Variants in BNC2 observed in about 807,000 individuals in gnomAD.
BNC2 encodes the protein zinc finger protein basonuclin-2.
Under a neutral mutation model 76.3 loss-of-function variants are expected in BNC2, and 20 were observed. The ratio of observed to expected loss-of-function variants is 0.26; its 90% CI spans 0.18 to 0.38. The LOEUF (loss-of-function observed/expected upper bound fraction) is 0.38. BNC2 is among the 10% of genes least tolerant of loss of function. The probability of loss-of-function intolerance (pLI) is 1.00; values close to 1 mark genes in which losing one functional copy is unlikely to be tolerated. For synonymous variants in BNC2, 582 were observed against 514.8 expected, an observed-to-expected ratio of 1.13 and a Z score of -1.77; for missense variants, 1,382 against 1,399.8, an observed-to-expected ratio of 0.99 and a Z score of 0.20.
chr9:16,516,362 C>T lies in BNC2; in HGVS notation c.669+36168G>A, dbSNP rs12347244. On this transcript the variant is annotated intron_variant, in intron 5 of 6. Transcript: ENST00000380672. Reference sequence around the variant, plus strand: ...ATGCTAAGATTCCCCAATGATTATGCGGAAACTTAAAAAAAAAAAAACTAA... The same window carrying T: ...ATGCTAAGATTCCCCAATGATTATGTGGAAACTTAAAAAAAAAAAAACTAA... Among the ~76,000 whole-genome samples the T allele has an allele frequency of 8.5e-3, 1,275 of 150,376 alleles. 16 individuals are homozygous for T. Among genetic ancestry groups the T allele is most frequent in the African/African-American group, 0.029 (1,180 of 40,866 alleles).
chr9:16,812,345 A>G (rs1383971767), intron 1 of BNC2, among the ~76,000 whole-genome samples: 1 of 152,232 alleles, frequency 6.6e-6, no homozygotes, highest in Non-Finnish European at 1.5e-5. Context: ...TGCCTATGTT[A>G]AAACACTTGG....
At chr9:16,557,016 C>CA (rs34890523) in intron 4 of BNC2, among the ~76,000 whole-genome samples, 12,990 of 152,122 alleles carry the variant, frequency 0.085, 721 homozygotes, top group Non-Finnish European at 0.13. Context: ...ATGATCTTCA[C>CA]ATATCTGACT....
intron 3 of BNC2, among the ~76,000 whole-genome samples, chr9:16,683,120 A>G (rs941846407): frequency 2.0e-5 from 3 of 152,224 alleles, no homozygotes; most frequent in African/African-American, 7.2e-5. Flanking sequence ...TCCTTGCAAA[A>G]GTCAAATCAG....
At chr9:16,679,929 G>A (rs1329030534) in intron 3 of BNC2, among the ~76,000 whole-genome samples, 1 of 152,232 alleles carries the variant, frequency 6.6e-6, no homozygotes, top group Non-Finnish European at 1.5e-5. Flanking sequence ...CTCAGGGAAA[G>A]TCAGAACAAT....
chr9:16,755,378 G>A (rs1825351606), intron 1 of BNC2, among the ~76,000 whole-genome samples: 1 of 152,100 alleles, frequency 6.6e-6, no homozygotes, highest in Non-Finnish European at 1.5e-5. Context: ...AACAGAAAAG[G>A]GCAGGAGTCT....
chr9:16,489,962 AAT>A (rs1822240422), intron 5 of BNC2, among the ~76,000 whole-genome samples: 1 of 152,198 alleles, frequency 6.6e-6, no homozygotes, highest in Non-Finnish European at 1.5e-5. Context: ...CTTACTTAAC[AAT>A]ACTGTTTCTC....
At chr9:16,690,212 A>G (rs1349293601) in intron 3 of BNC2, among the ~76,000 whole-genome samples, 1 of 152,126 alleles carries the variant, frequency 6.6e-6, no homozygotes, top group Non-Finnish European at 1.5e-5. Context: ...AACAGAGTCA[A>G]ATTGGATGTG....
At chr9:16,658,874 G>A (rs890166599) in intron 3 of BNC2, among the ~76,000 whole-genome samples, 1 of 152,034 alleles carries the variant, frequency 6.6e-6, no homozygotes, top group South Asian at 2.1e-4. Flanking sequence ...CCTCTAAAAA[G>A]CAATGGCTGA....
intron 3 of BNC2, among the ~76,000 whole-genome samples, chr9:16,585,456 A>G (rs945345632): frequency 6.6e-6 from 1 of 152,196 alleles, no homozygotes; most frequent in Non-Finnish European, 1.5e-5. Context: ...TCCATTTTGT[A>G]TATCTATGAA....
At chr9:16,704,778 A>G (rs1823615877) in intron 3 of BNC2, 1 of 150,256 alleles carries the variant, frequency 6.7e-6, no homozygotes. Context: ...CCTCCCAGCC[A>G]GTGGTGCAAG....
chr9:16,721,762 C>A (rs908961856), intron 3 of BNC2, among the ~76,000 whole-genome samples: 1 of 152,144 alleles, frequency 6.6e-6, no homozygotes. Context: ...TCAACCTACC[C>A]GATTCACTCT....
chr9:16,657,270 C>G (rs1422381477), intron 3 of BNC2, among the ~76,000 whole-genome samples: 3 of 151,956 alleles, frequency 2.0e-5, no homozygotes, highest in South Asian at 2.1e-4. Context: ...CAAAGATGAA[C>G]TAGAAAACAA....
intron 1 of BNC2, among the ~76,000 whole-genome samples, chr9:16,823,852 T>C (rs937102945): frequency 1.3e-5 from 2 of 152,214 alleles, no homozygotes; most frequent in African/African-American, 4.8e-5. Context: ...AAAGGTCTTT[T>C]TCCTTCTCTG....
At chr9:16,601,737 A>G (rs900179721) in intron 3 of BNC2, among the ~76,000 whole-genome samples, 3 of 152,144 alleles carry the variant, frequency 2.0e-5, no homozygotes, top group African/African-American at 7.2e-5. Context: ...TAATATGACT[A>G]ATCAATTCCC....
chr9:16,587,615 T>G (rs546242549), intron 3 of BNC2, among the ~76,000 whole-genome samples: 16 of 152,288 alleles, frequency 1.1e-4, no homozygotes, highest in South Asian at 2.1e-4. Flanking sequence ...ATCCACACGG[T>G]TGATTGCTAT....
At chr9:16,788,341 C>T (rs1447380284) in intron 1 of BNC2, among the ~76,000 whole-genome samples, 4 of 151,618 alleles carry the variant, frequency 2.6e-5, no homozygotes, top group African/African-American at 9.7e-5. Context: ...ATCATGAAGT[C>T]AGGAGATCGA....
intron 5 of BNC2, among the ~76,000 whole-genome samples, chr9:16,524,457 G>C (rs1587131589): frequency 6.6e-6 from 1 of 152,000 alleles, no homozygotes. Context: ...AGAAGGAAAG[G>C]GCCCAAATCT....
chr9:16,596,141 G>T (rs1033490166), intron 3 of BNC2, among the ~76,000 whole-genome samples: 2 of 152,004 alleles, frequency 1.3e-5, no homozygotes, highest in African/African-American at 4.8e-5. Context: ...CTACAAATTA[G>T]TCAAAAGAAA....
chr9:16,447,472 C>T (rs1821253006), intron 5 of BNC2, among the ~76,000 whole-genome samples: 1 of 152,046 alleles, frequency 6.6e-6, no homozygotes, highest in Non-Finnish European at 1.5e-5. Context: ...TTACTTTTAA[C>T]CAACTTGTGT....
Sources: allele counts gnomAD v4.1 joint callset (sites outside exome capture counted in the v4.1 genomes callset), GRCh38; gene constraint gnomAD v4.1.1; transcripts MANE v1.5; gene names NCBI Gene and HGNC (gene_info 2026-07-23, HGNC 2026-07-21).